The following USP10 variants were observed in gnomAD, a reference collection of about 807,000 sequenced individuals.
The protein encoded by USP10 is ubiquitin carboxyl-terminal hydrolase 10.
A neutral mutation model predicts 84.5 loss-of-function variants in USP10; 22 were observed. That is an observed-to-expected ratio of 0.26 (90% CI 0.19 to 0.37). The LOEUF (loss-of-function observed/expected upper bound fraction) is 0.37, where lower values mean the gene tolerates loss of function less well. Among genes scored for constraint, USP10 ranks in the 10% least tolerant of loss-of-function variants. The pLI, the probability that USP10 is intolerant of heterozygous loss-of-function variation, is 1.00. For missense variants in USP10, 1,019 were observed against 998.9 expected, an observed-to-expected ratio of 1.02 and a Z score of -0.27; for synonymous variants, 454 against 387.6, an observed-to-expected ratio of 1.17 and a Z score of -2.01.
chr16:84,707,545 T>C (rs978778093), intron 1 of USP10, among the ~76,000 whole-genome samples: 14 of 152,220 alleles, frequency 9.2e-5, no homozygotes, highest in Admixed American at 2.6e-4. Flanking sequence ...GTTGTTCCGT[T>C]GTTTCATAAT....
rs139725328 is a variant in USP10, at chr16:84,760,787, A to G, written c.1554+512A>G. 4.8e-3 allele frequency among the ~76,000 whole-genome samples: 733 copies of G among 152,286 alleles called. 11 individuals are homozygous for G. The highest frequency in any genetic ancestry group is 0.017 in the African/African-American group (695 of 41,548). ...GACCAAGGGGCCAGGGAGCCCTTAT[A>G]AAAGGCCCTGGGGCTGTTGAGAGTG... On this transcript the variant is annotated intron_variant, in intron 8 of 13. Transcript: ENST00000219473.
At position 84,764,364 on chromosome 16, in the gene USP10, G is replaced by T. The variant is rs568663357; in HGVS notation, c.1832+101G>T. On this transcript the variant is annotated intron_variant, in intron 10 of 13. Transcript: ENST00000219473. ...AGGCTTGTTTTGAGACTTCTTGGAC[G>T]TAATGGTTTGCATCTTGCTCCCCTG... 2.7e-6 allele frequency: 4 copies of T among 1,478,146 alleles called. No individual in the cohort carries two copies. In the South Asian group the frequency reaches 4.6e-5, roughly 17 times the overall value. The allele number at this position is 1,478,146 out of a possible 1,614,324, so 91.6% of individuals were successfully genotyped here.
intron 11 of USP10, among the ~76,000 whole-genome samples, chr16:84,769,224 A>G (rs898670912): frequency 1.3e-5 from 2 of 152,228 alleles, no homozygotes; most frequent in Non-Finnish European, 1.5e-5. Context: ...AAGACCTGTC[A>G]TCACATTGCA....
chr16:84,754,259 C>T (rs983280802), intron 4 of USP10, among the ~76,000 whole-genome samples: 11 of 152,010 alleles, frequency 7.2e-5, no homozygotes, highest in South Asian at 2.1e-4. Flanking sequence ...CAGAATGATA[C>T]GGTATTTTAG....
chr16:84,774,556 T>C (rs901173135), intron 12 of USP10, among the ~76,000 whole-genome samples: 24 of 151,416 alleles, frequency 1.6e-4, no homozygotes, highest in East Asian at 4.0e-4. Flanking sequence ...CTGCAACCTC[T>C]GCCTCCCGGG....
At chr16:84,716,902 A>G (rs1423921054) in intron 1 of USP10, among the ~76,000 whole-genome samples, 1 of 152,222 alleles carries the variant, frequency 6.6e-6, no homozygotes, top group Non-Finnish European at 1.5e-5. Context: ...AATTTGGATG[A>G]TAAATGGTTA....
Position 84,759,360 on chromosome 16 carries a change from T to G in USP10, c.1285-3T>G. On this transcript the variant is annotated splice_polypyrimidine_tract_variant and splice_region_variant and intron_variant, in intron 5 of 13. Transcript: ENST00000219473. ...TTTACGCTTCCTTACTGCCACTACATAGACACTGCAGGCATTGGTTGCTTG... is the reference window on the plus strand; with the variant it reads ...TTTACGCTTCCTTACTGCCACTACAGAGACACTGCAGGCATTGGTTGCTTG... 6.2e-7 allele frequency: 1 copy of G among 1,613,844 alleles called. No homozygotes were observed. Among genetic ancestry groups the G allele is most frequent in the Non-Finnish European group, 8.5e-7 (1 of 1,179,738 alleles).
intron 6 of USP10, chr16:84,759,688 T>C (rs957538348): frequency 2.0e-5 from 14 of 683,488 alleles, no homozygotes; most frequent in Non-Finnish European, 3.0e-5. Context: ...GTAGAAAATA[T>C]TTTAGCGTTT....
At chr16:84,763,237 G>T in intron 9 of USP10, 149 bp downstream of exon 9, 2 of 476,658 alleles carry the variant, frequency 4.2e-6, no homozygotes, top group Non-Finnish European at 3.8e-6. Context: ...CCATCGAGAA[G>T]GTTATATTTA....
chr16:84,746,651 C>G (rs1339067546), intron 4 of USP10, among the ~76,000 whole-genome samples: 1 of 152,148 alleles, frequency 6.6e-6, no homozygotes, highest in Non-Finnish European at 1.5e-5. Flanking sequence ...ACTGGAGTGG[C>G]TCTGGATGGG....
chr16:84,710,741 C>T (rs934718969), intron 1 of USP10, among the ~76,000 whole-genome samples: 1 of 152,068 alleles, frequency 6.6e-6, no homozygotes, highest in Non-Finnish European at 1.5e-5. Context: ...TTGTGATCCT[C>T]GAGTGCCCTC....
At chr16:84,703,766 C>T (rs1905163620) in intron 1 of USP10, among the ~76,000 whole-genome samples, 1 of 152,122 alleles carries the variant, frequency 6.6e-6, no homozygotes, top group Non-Finnish European at 1.5e-5. Context: ...GTTTGTGAGC[C>T]AGTGGTCGCC....
chr16:84,721,667 T>C (rs953304323), intron 1 of USP10, among the ~76,000 whole-genome samples: 1 of 152,058 alleles, frequency 6.6e-6, no homozygotes, highest in Non-Finnish European at 1.5e-5. Context: ...TAACTGGGAC[T>C]ACAGGCATGT....
intron 2 of USP10, among the ~76,000 whole-genome samples, chr16:84,736,882 G>A (rs866134696): frequency 3.9e-5 from 6 of 152,168 alleles, no homozygotes; most frequent in African/African-American, 7.2e-5. Context: ...TCCGCCTCCC[G>A]GGTTCACACC....
chr16:84,701,346 T>C (rs1183403617), intron 1 of USP10, among the ~76,000 whole-genome samples: 1 of 152,254 alleles, frequency 6.6e-6, no homozygotes, highest in Non-Finnish European at 1.5e-5. Flanking sequence ...TGTTCCCTTA[T>C]TCATTTACTT....
At position 84,758,746 on chromosome 16, in the gene USP10, A is replaced by T; in HGVS notation, c.1223A>T (p.Lys408Ile). ...CTGGAGAATGTAACCCTAATCCATA[A>T]ACCAGTGTCGTTGCAACCCCGTGGG... ...ELLENVTLIH[K>I]PVSLQPRGLI... Residue 408 changes from lysine to isoleucine, a missense_variant, in exon 5 of 14, where the codon AAA (lysine) becomes ATA (isoleucine). Transcript: ENST00000219473. The T allele has an allele frequency of 6.2e-7, 1 of 1,613,832 alleles. No homozygotes were observed. The highest frequency in any genetic ancestry group is 8.5e-7 in the Non-Finnish European group (1 of 1,179,732).
Position 84,759,736 on chromosome 16 carries a change from A to T in USP10, c.1395-155A>T, listed in dbSNP as rs1016050410. 5.1e-6 allele frequency: 4 copies of T among 783,974 alleles called. No individual in the cohort carries two copies. The African/African-American group carries it at 7.0e-5, about 14-fold the overall frequency. The allele number at this position is 783,974 out of a possible 1,614,324, so 48.6% of individuals were successfully genotyped here. A position where few individuals can be genotyped will look rare whatever the true frequency, so the allele number is the denominator to read the frequency against. ...CACTTGAAATAGACCAAAAATGCAT[A>T]TAGAAGAGACTTGAGTTCACTAGCT... On this transcript the variant is annotated intron_variant, in intron 6 of 13. Coordinates refer to ENST00000219473, the MANE Select transcript of USP10 (RefSeq NM_005153.3).
At chr16:84,763,547 T>C (rs889138703) in intron 9 of USP10, among the ~76,000 whole-genome samples, 11 of 152,210 alleles carry the variant, frequency 7.2e-5, no homozygotes, top group South Asian at 2.1e-4. Context: ...GTAACCACAG[T>C]CCCTTATCTA....
chr16:84,705,992 G>A (rs565456468), intron 1 of USP10, among the ~76,000 whole-genome samples: 1 of 152,230 alleles, frequency 6.6e-6, no homozygotes, highest in South Asian at 2.1e-4. Context: ...AAAGTGCTGG[G>A]ATTACAGGCA....
Sources: allele counts gnomAD v4.1 joint callset (sites outside exome capture counted in the v4.1 genomes callset), GRCh38; gene constraint gnomAD v4.1.1; transcripts MANE v1.5; gene names NCBI Gene and HGNC (gene_info 2026-07-23, HGNC 2026-07-21).